Variants in KCNT1 observed in about 807,000 individuals in gnomAD.
KCNT1 encodes the protein potassium sodium-activated channel subfamily T member 1.
Under a neutral mutation model 147.8 loss-of-function variants are expected in KCNT1, and 78 were observed. The ratio of observed to expected loss-of-function variants is 0.53; its 90% CI spans 0.44 to 0.64. The LOEUF (loss-of-function observed/expected upper bound fraction) is 0.64, where lower values mean the gene tolerates loss of function less well. Among genes scored for constraint, KCNT1 ranks in the 30% least tolerant of loss-of-function variants. The pLI is 0.00. For synonymous variants in KCNT1, 867 were observed against 748.8 expected, an observed-to-expected ratio of 1.16 and a Z score of -2.58; for missense variants, 1,419 against 1,750.3, an observed-to-expected ratio of 0.81 and a Z score of 3.38.
chr9:135,759,874 C>A lies in KCNT1; in HGVS notation c.1035+15C>A. Reference sequence around the variant, plus strand: ...TCCCACTGCAGGTGGGTCCTCTGGGCACCAGCCCTGGGTGGCACCAGCAAA... The same window carrying A: ...TCCCACTGCAGGTGGGTCCTCTGGGAACCAGCCCTGGGTGGCACCAGCAAA... On this transcript the variant is annotated intron_variant, in intron 11 of 30. Transcript: ENST00000371757. 1 of 1,587,794 alleles carries A rather than the reference C, an allele frequency of 6.3e-7. No individual in the cohort carries two copies. Among genetic ancestry groups the A allele is most frequent in the Admixed American group, 1.7e-5 (1 of 58,186 alleles).
intron 13 of KCNT1, among the ~76,000 whole-genome samples, chr9:135,768,247 GGGGGGGGGGGCACTGGGATACCGGT>G (rs1832438500): frequency 2.5e-5 from 1 of 39,448 alleles, no homozygotes. Context: ...CTGCGGGGGG[GGGGGGGGGGGCACTGGGATACCGGT>G]GGGGGGGGCA....
chr9:135,788,339 C>T (rs547721556), intron 29 of KCNT1, among the ~76,000 whole-genome samples: 17 of 152,384 alleles, frequency 1.1e-4, no homozygotes, highest in African/African-American at 3.8e-4. Flanking sequence ...ACAGAGTGTC[C>T]CCTGGCTGGG....
chr9:135,717,731 A>G (rs1404481968), intron 2 of KCNT1, among the ~76,000 whole-genome samples: 1 of 152,148 alleles, frequency 6.6e-6, no homozygotes, highest in Non-Finnish European at 1.5e-5. Context: ...GAGCCCGGGG[A>G]ACCCCCACTT....
chr9:135,786,424 G>A lies in KCNT1; in HGVS notation c.3405G>A (p.Gln1135=). ...CGGCGGCCGCGGAGTGGATCAGCCA[G>A]CAGCGCCTCAGCCTGTACCGGCGCT... The part of the protein sequence containing the change: ...GRAAAAEWIS[Q]QRLSLYRRSE... The change falls in exon 29 of 31, where the codon CAG becomes CAA. Residue 1135 remains glutamine (Q), a synonymous_variant. Transcript: ENST00000371757. 1 of 1,589,686 alleles carries A rather than the reference G, an allele frequency of 6.3e-7. No homozygotes were observed. The highest frequency in any genetic ancestry group is 8.6e-7 in the Non-Finnish European group (1 of 1,169,012).
rs775923151 is a variant in KCNT1, at chr9:135,775,336, C to T, written c.2270C>T (p.Ser757Leu). 2.9e-5 allele frequency: 46 copies of T among 1,609,174 alleles called. No individual in the cohort carries two copies. Among genetic ancestry groups the T allele is most frequent in the Non-Finnish European group, 2.5e-5 (30 of 1,177,732 alleles). The change falls in exon 20 of 31, where the codon TCG becomes TTG. Residue 757 changes from serine (S) to leucine (L), a missense_variant. Physicochemically the swap from Ser to Leu is moderately radical, Grantham distance 145 (BLOSUM62 -2). Coordinates refer to ENST00000371757, the MANE Select transcript of KCNT1 (RefSeq NM_020822.3). ...TATGTGAAGGGCTACCCTCCCAACT[C>T]GCCCTACATCGGCAGCTCCCCAACC... ...VEYVKGYPPN[S>L]PYIGSSPTLC...
chr9:135,780,765 G>A (rs1007692594), intron 24 of KCNT1, among the ~76,000 whole-genome samples: 1 of 152,222 alleles, frequency 6.6e-6, no homozygotes, highest in Non-Finnish European at 1.5e-5. Context: ...CTCTGCAGCT[G>A]GAACCACGGA....
chr9:135,710,231 C>T (rs1835431579), intron 1 of KCNT1, among the ~76,000 whole-genome samples: 1 of 152,082 alleles, frequency 6.6e-6, no homozygotes, highest in Non-Finnish European at 1.5e-5. Context: ...AACACTTTTC[C>T]CTGTATTTTC....
rs374629966 is a variant in KCNT1, at chr9:135,792,286, C to G, written c.*125C>G. On this transcript the variant is annotated 3_prime_UTR_variant, in exon 31 of 31. Coordinates refer to ENST00000371757, the MANE Select transcript of KCNT1 (RefSeq NM_020822.3). ...TGGCACACTCTACTCACCATGGCTC[C>G]TGGGACTCCACCCTGGAAAGGAGCC... 23 of 1,249,340 alleles carry G rather than the reference C, an allele frequency of 1.8e-5. No homozygotes were observed. The African/African-American group carries it at 2.7e-4, about 15-fold the overall frequency. 77.4% of individuals were successfully genotyped at this position (1,249,340 alleles called of 1,614,324 possible). A position where few individuals can be genotyped will look rare whatever the true frequency, so the allele number is the denominator to read the frequency against.
chr9:135,742,882 G>C (rs537105910), intron 2 of KCNT1: 22 of 712,392 alleles, frequency 3.1e-5, no homozygotes, highest in Non-Finnish European at 5.7e-5. Context: ...GAGAGCCCTT[G>C]TTTCTGGGGG....
At chr9:135,792,000 C>A (rs746396776) in intron 30 of KCNT1, 41 bp from the exon 31 acceptor site, 8 of 1,602,352 alleles carry the variant, frequency 5.0e-6, no homozygotes, top group Admixed American at 1.7e-5. Flanking sequence ...AGGGGCTGCC[C>A]GGCCCACATC....
At chr9:135,742,876 G>A in intron 2 of KCNT1, 1 of 713,924 alleles carries the variant, frequency 1.4e-6, no homozygotes, top group Admixed American at 2.0e-5. Flanking sequence ...AGGTGTGAGA[G>A]CCCTTGTTTC....
At chr9:135,772,681 T>G in intron 18 of KCNT1, 34 bp from the exon 19 acceptor site, 1 of 1,340,720 alleles carries the variant, frequency 7.5e-7, no homozygotes, top group Non-Finnish European at 9.6e-7. Context: ...AGGGTGGGAG[T>G]CGGGCTGTGG....
chr9:135,784,706 G>A (rs1833903363), intron 26 of KCNT1, 55 bp from the exon 27 acceptor site: 1 of 1,608,802 alleles, frequency 6.2e-7, no homozygotes. Flanking sequence ...ACGGTGGCCA[G>A]GAGGCTCTGG....
chr9:135,754,046 G>T, intron 5 of KCNT1, 53 bp downstream of exon 5: 1 of 1,537,036 alleles, frequency 6.5e-7, no homozygotes, highest in South Asian at 1.1e-5. Context: ...CCTGGGACCA[G>T]GGTGGGGTGG....
chr9:135,702,424 C>CA, intron 1 of KCNT1, 56 bp downstream of exon 1: 1 of 1,367,324 alleles, frequency 7.3e-7, no homozygotes, highest in Non-Finnish European at 1.0e-6. Flanking sequence ...CCTAAGACCC[C>CA]CAAGTTCCCC....
intron 28 of KCNT1, 98 bp downstream of exon 28, chr9:135,785,428 C>CCCCCCCA: frequency 7.0e-7 from 1 of 1,434,326 alleles, no homozygotes. Flanking sequence ...CCCACCCACC[C>CCCCCCCA]ACAGGGCCCT....
At chr9:135,776,913 A>G (rs1453991414) in intron 20 of KCNT1, among the ~76,000 whole-genome samples, 1 of 152,228 alleles carries the variant, frequency 6.6e-6, no homozygotes, top group Non-Finnish European at 1.5e-5. Flanking sequence ...GTCTGGAATG[A>G]ACCACTTCTC....
At chr9:135,758,535 C>T in intron 10 of KCNT1, 27 bp downstream of exon 10, 1 of 1,589,988 alleles carries the variant, frequency 6.3e-7, no homozygotes, top group Middle Eastern at 1.7e-4. Flanking sequence ...AGTGTGAGCA[C>T]CCCAGGACGT....
At chr9:135,702,628 C>T (rs1053448917) in intron 1 of KCNT1, among the ~76,000 whole-genome samples, 3 of 152,222 alleles carry the variant, frequency 2.0e-5, no homozygotes, top group East Asian at 3.9e-4. Context: ...GGGGAGCGGC[C>T]GTGGCTACAT....
Sources: gnomAD v4.1 joint callset for allele counts (sites outside exome capture counted in the v4.1 genomes callset) on GRCh38, gnomAD v4.1.1 for gene constraint, MANE v1.5 for transcripts, NCBI Gene and HGNC (gene_info 2026-07-23, HGNC 2026-07-21) for gene names.